CBFB: variants seen among roughly 807,000 people sequenced by gnomAD.
The protein encoded by CBFB is core-binding factor subunit beta.
Under a neutral mutation model 30.4 loss-of-function variants are expected in CBFB, and 9 were observed. The ratio of observed to expected loss-of-function variants is 0.30; its 90% CI spans 0.18 to 0.52. The LOEUF (loss-of-function observed/expected upper bound fraction) is 0.52, where lower values mean the gene tolerates loss of function less well. Ranked by LOEUF, CBFB falls within the 20% of genes least tolerant of loss-of-function variation. The pLI, the probability that CBFB is intolerant of heterozygous loss-of-function variation, is 0.97. For missense variants in CBFB, 170 were observed against 244.0 expected, an observed-to-expected ratio of 0.70 and a Z score of 2.02; for synonymous variants, 94 against 84.0, an observed-to-expected ratio of 1.12 and a Z score of -0.65.
In CBFB at chr16:67,067,004, GT is replaced by G. The variant is rs1301206443; in HGVS notation, c.399+208del. On this transcript the variant is annotated intron_variant, in intron 4 of 5. Transcript: ENST00000412916. ...TCTTCAGCAGTTCTAAATTTCATGG[GT>G]TATTCGTATCTGCTCAGTGGGTGCT... The G allele has an allele frequency of 4.9e-5, 19 of 388,680 alleles. No individual in the cohort carries two copies. The East Asian group carries it at 8.6e-4, about 18-fold the overall frequency. 24.1% of individuals were successfully genotyped at this position (388,680 alleles called of 1,614,324 possible). A position where few individuals can be genotyped will look rare whatever the true frequency, so the allele number is the denominator to read the frequency against.
intron 3 of CBFB, among the ~76,000 whole-genome samples, chr16:67,054,566 T>TA (rs1960657197): frequency 6.6e-6 from 1 of 152,172 alleles, no homozygotes; most frequent in East Asian, 1.9e-4. Context: ...CTTCCTTTCT[T>TA]ATATTTTTTC....
chr16:67,051,887 T>C (rs1222479423), intron 3 of CBFB, among the ~76,000 whole-genome samples: 2 of 149,124 alleles, frequency 1.3e-5, no homozygotes, highest in Non-Finnish European at 3.0e-5. Context: ...GTAGCTGGGA[T>C]TACAGGCATA....
intron 3 of CBFB, among the ~76,000 whole-genome samples, chr16:67,050,464 T>C (rs1966720739): frequency 6.6e-6 from 1 of 151,854 alleles, no homozygotes; most frequent in African/African-American, 2.4e-5. Context: ...GTTTATAAAT[T>C]AGGCACAGTA....
intron 4 of CBFB, among the ~76,000 whole-genome samples, chr16:67,078,611 T>C (rs763675053): frequency 1.1e-4 from 17 of 152,190 alleles, no homozygotes; most frequent in South Asian, 8.3e-4. Flanking sequence ...CTACCAAATA[T>C]CTCCTGGCTT....
At chr16:67,092,698 C>CTCTTTTTTTTTTTTT (rs1961925973) in intron 5 of CBFB, among the ~76,000 whole-genome samples, 1 of 33,490 alleles carries the variant, frequency 3.0e-5, no homozygotes, top group African/African-American at 1.2e-4. Context: ...GTGGTGCAAT[C>CTCTTTTTTTTTTTTT]TTTTTTTTTT....
Position 67,096,378 on chromosome 16 carries a change from C to T in CBFB, c.496-2332C>T, listed in dbSNP as rs145203412. On this transcript the variant is annotated intron_variant, in intron 5 of 5. Transcript: ENST00000412916. ...CTTAGTACCACATTCTGGATACAAACAGATATTTGTGCTTGGCCAACATTT... is the reference window on the plus strand; with the variant it reads ...CTTAGTACCACATTCTGGATACAAATAGATATTTGTGCTTGGCCAACATTT... 3.3e-4 allele frequency among the ~76,000 whole-genome samples: 50 copies of T among 151,566 alleles called. No individual in the cohort carries two copies. The East Asian group carries it at 8.2e-3, about 25-fold the overall frequency.
chr16:67,065,368 C>T (rs1308002351), intron 3 of CBFB, among the ~76,000 whole-genome samples: 2 of 152,028 alleles, frequency 1.3e-5, no homozygotes, highest in African/African-American at 4.8e-5. Context: ...TTACCATATC[C>T]TAGGATACTT....
intron 4 of CBFB, among the ~76,000 whole-genome samples, chr16:67,076,787 T>C (rs1961410989): frequency 6.6e-6 from 1 of 152,216 alleles, no homozygotes; most frequent in Admixed American, 6.5e-5. Flanking sequence ...AACAAAACTT[T>C]ACTACAAAGA....
intron 5 of CBFB, among the ~76,000 whole-genome samples, chr16:67,085,512 G>A (rs1362312871): frequency 8.0e-6 from 1 of 124,826 alleles, no homozygotes; most frequent in Non-Finnish European, 1.7e-5. Context: ...GGGGGTGGGG[G>A]GAGATGGGGT....
chr16:67,083,488 G>T (rs1310201113), intron 5 of CBFB, among the ~76,000 whole-genome samples: 1 of 151,888 alleles, frequency 6.6e-6, no homozygotes, highest in Non-Finnish European at 1.5e-5. Flanking sequence ...TATAGGCAGG[G>T]TTTCACCATG....
chr16:67,078,965 T>G (rs1961481510), intron 4 of CBFB, among the ~76,000 whole-genome samples: 1 of 152,126 alleles, frequency 6.6e-6, no homozygotes, highest in Admixed American at 6.6e-5. Flanking sequence ...AGGCCCACAG[T>G]TTTTTCCTGT....
At chr16:67,059,424 C>T (rs1960826774) in intron 3 of CBFB, among the ~76,000 whole-genome samples, 1 of 152,102 alleles carries the variant, frequency 6.6e-6, no homozygotes, top group African/African-American at 2.4e-5. Flanking sequence ...TAATTGAATC[C>T]GTTTTGCCTT....
At chr16:67,059,150 AG>A (rs1316184089) in intron 3 of CBFB, among the ~76,000 whole-genome samples, 1 of 152,242 alleles carries the variant, frequency 6.6e-6, no homozygotes, top group African/African-American at 2.4e-5. Context: ...AAGACAGGTA[AG>A]GATGCCACTG....
chr16:67,097,942 A>C (rs926777524), intron 5 of CBFB, among the ~76,000 whole-genome samples: 1 of 152,204 alleles, frequency 6.6e-6, no homozygotes, highest in Non-Finnish European at 1.5e-5. Context: ...CCATCTCTCT[A>C]AAAAATTATT....
chr16:67,083,457 G>A (rs1212995545), intron 5 of CBFB, among the ~76,000 whole-genome samples: 1 of 151,844 alleles, frequency 6.6e-6, no homozygotes, highest in Non-Finnish European at 1.5e-5. Flanking sequence ...CACCATGGCC[G>A]GCTAATTTTT....
rs989507089 is a variant in CBFB at position 67,099,652 on chromosome 16, T to A, written c.*874T>A. The A allele has an allele frequency of 6.4e-5, 13 of 204,446 alleles. No individual in the cohort carries two copies. Among genetic ancestry groups the A allele is most frequent in the Non-Finnish European group, 1.1e-4 (11 of 99,686 alleles). 12.7% of individuals were successfully genotyped at this position (204,446 alleles called of 1,614,324 possible). A position where few individuals can be genotyped will look rare whatever the true frequency, so the allele number is the denominator to read the frequency against. On this transcript the variant is annotated 3_prime_UTR_variant, in exon 6 of 6. Transcript: ENST00000412916. ...TTGGAGATATTCTCCATAGATGATC[T>A]TCTACTGAAATGCCTAAAGAAGTCA...
intron 5 of CBFB, among the ~76,000 whole-genome samples, chr16:67,097,988 A>G (rs1178295055): frequency 2.6e-5 from 4 of 152,246 alleles, no homozygotes; most frequent in Non-Finnish European, 5.9e-5. Context: ...GTGCCCGCAG[A>G]CAGCTGATAC....
chr16:67,069,215 A>G (rs1597146577), intron 4 of CBFB, among the ~76,000 whole-genome samples: 1 of 151,698 alleles, frequency 6.6e-6, no homozygotes, highest in African/African-American at 2.4e-5. Context: ...ACTCCATCTC[A>G]AAAAAAACGC....
At position 67,029,794 on chromosome 16, in the gene CBFB, G is replaced by A. The variant is rs2145702956; in HGVS notation, c.146G>A (p.Arg49His). Residue 49 changes from arginine (R) to histidine (H), a missense_variant, in exon 2 of 6, where the codon CGC becomes CAC. Coordinates refer to ENST00000412916, the MANE Select transcript of CBFB (RefSeq NM_022845.3). Reference sequence around the variant, plus strand: ...CAGGCACGCTTCCAGAACGCCTGCCGCGACGGCCGCTCGGAAATCGTAAGT... The same window carrying A: ...CAGGCACGCTTCCAGAACGCCTGCCACGACGGCCGCTCGGAAATCGTAAGT... ...ERQARFQNACRDGRSEIAFVA... is the reference protein window; with the variant it reads ...ERQARFQNACHDGRSEIAFVA... The A allele has an allele frequency of 1.3e-6, 2 of 1,588,654 alleles. No individual in the cohort carries two copies. The highest frequency in any genetic ancestry group is 8.5e-7 in the Non-Finnish European group (1 of 1,169,732).
Sources: gnomAD v4.1 joint callset for allele counts (sites outside exome capture counted in the v4.1 genomes callset) on GRCh38, gnomAD v4.1.1 for gene constraint, MANE v1.5 for transcripts, NCBI Gene and HGNC (gene_info 2026-07-23, HGNC 2026-07-21) for gene names.